The following SLAMF9 variants were observed in gnomAD, a reference collection of about 807,000 sequenced individuals.
SLAMF9 encodes CD2 family member 10.
Under a neutral mutation model 30.4 loss-of-function variants are expected in SLAMF9, and 25 were observed. The observed-to-expected ratio is 0.82, with a 90% CI of 0.60 to 1.15. SLAMF9 has a LOEUF of 1.15. Among genes scored for constraint, SLAMF9 ranks in the 50% most tolerant of loss-of-function variants. SLAMF9 has a pLI of 0.00. For synonymous variants in SLAMF9, 129 were observed against 127.2 expected (o/e 1.01, Z -0.09); for missense variants, 344 against 346.1 (o/e 0.99, Z 0.05).
chr1:159,974,150 G>T, the SLAMF9 span: 47 of 968,194 alleles, frequency 4.9e-5, no homozygotes, highest in South Asian at 2.1e-4. Context: ...TAAGGCCTCT[G>T]CTGGGGATGG....
chr1:159,951,827 C>A lies in SLAMF9; in HGVS notation c.704G>T (p.Cys235Phe). The change falls in exon 4 of 4, where the codon TGC becomes TTC. Residue 235 changes from cysteine to phenylalanine, a missense_variant. Physicochemically the swap from Cys to Phe is radical, Grantham distance 205. Transcript: ENST00000368093. ...GATGAGCAATCCCTTGGCCAGGAGGCAGAAGGCTGTTGAAGGCTTCTCAGA... is the reference window on the plus strand; with the variant it reads ...GATGAGCAATCCCTTGGCCAGGAGGAAGAAGGCTGTTGAAGGCTTCTCAGA... The part of the protein sequence containing the change: ...YASEKPSTAF[C>F]LLAKGLLIFL... 6.2e-7 allele frequency: 1 copy of A among 1,614,136 alleles called. No homozygotes were observed. The highest frequency in any genetic ancestry group is 1.1e-5 in the South Asian group (1 of 91,080).
chr1:159,960,605 A>G, the SLAMF9 span, among the ~76,000 whole-genome samples: 2 of 151,862 alleles, frequency 1.3e-5, no homozygotes, highest in Non-Finnish European at 2.9e-5. Flanking sequence ...AGCTGGGATT[A>G]CAGGCGCATG....
At chr1:159,961,982 C>G in the SLAMF9 span, among the ~76,000 whole-genome samples, 1 of 151,572 alleles carries the variant, frequency 6.6e-6, no homozygotes, top group Non-Finnish European at 1.5e-5. Context: ...CATGGTGAAA[C>G]CCCCGTCTCT....
upstream of SLAMF9, among the ~76,000 whole-genome samples, chr1:159,958,750 C>T (rs147024177): frequency 1.4e-3 from 214 of 152,288 alleles, no homozygotes; most frequent in Non-Finnish European, 2.6e-3. Context: ...CAAGTGTGAG[C>T]CACAGTGCCT....
the SLAMF9 span, among the ~76,000 whole-genome samples, chr1:159,974,263 C>T: frequency 6.6e-6 from 1 of 152,288 alleles, no homozygotes; most frequent in South Asian, 2.1e-4. Flanking sequence ...TCCTCCCTTT[C>T]CTTCTCTCCT....
At chr1:159,978,888 A>C in the SLAMF9 span, 1 of 152,242 alleles carries the variant, frequency 6.6e-6, no homozygotes, top group African/African-American at 2.4e-5. Context: ...TCTTGCAGGA[A>C]GGATGGATTC....
the SLAMF9 span, among the ~76,000 whole-genome samples, chr1:159,969,081 G>A: frequency 0.64 from 97,169 of 151,820 alleles, 34,380 homozygotes; most frequent in East Asian, 0.97. Context: ...AAGAGCTTGG[G>A]GATTCCCCCT....
chr1:159,961,760 G>A, the SLAMF9 span, among the ~76,000 whole-genome samples: 204 of 152,316 alleles, frequency 1.3e-3, no homozygotes, highest in Middle Eastern at 6.8e-3. Context: ...AGGCAGGGCC[G>A]AGAGATGGAG....
upstream of SLAMF9, chr1:159,954,240 T>A: frequency 1.5e-6 from 2 of 1,362,436 alleles, no homozygotes; most frequent in Non-Finnish European, 2.1e-6. Context: ...GCCTGACTGA[T>A]GGTCCTGAGA....
upstream of SLAMF9, among the ~76,000 whole-genome samples, chr1:159,957,053 C>T (rs1197928072): frequency 1.6e-5 from 2 of 123,566 alleles, no homozygotes; most frequent in Non-Finnish European, 1.6e-5. Flanking sequence ...ATCCGGGAGG[C>T]GGAGGTTGCA....
At chr1:159,963,791 T>G in the SLAMF9 span, among the ~76,000 whole-genome samples, 1,655 of 152,278 alleles carry the variant, frequency 0.011, 14 homozygotes, top group South Asian at 0.033. Context: ...CCAGGCGCAG[T>G]GGCTCACACC....
In SLAMF9 at chr1:159,953,555, C is replaced by T. The variant is rs747800506; in HGVS notation, c.145G>A (p.Glu49Lys). Residue 49 changes from glutamate to lysine, a missense_variant, in exon 2 of 4, where the codon GAG becomes AAG. Transcript: ENST00000368093. Reference sequence around the variant, plus strand: ...GAGGACCAGATGATGTTCTCAACCTCTTCATCTGGTGGTATTTCCAGGGGG... The same window carrying T: ...GAGGACCAGATGATGTTCTCAACCTTTTCATCTGGTGGTATTTCCAGGGGG... ...SLPLEIPPDE[E>K]VENIIWSSHK... 1 of 1,614,220 alleles carries T rather than the reference C, an allele frequency of 6.2e-7. No individual in the cohort carries two copies. The highest frequency in any genetic ancestry group is 1.3e-5 in the African/African-American group (1 of 75,056).
chr1:159,973,022 G>A, the SLAMF9 span: 3 of 1,415,408 alleles, frequency 2.1e-6, no homozygotes, highest in East Asian at 2.7e-5. Context: ...CCAGCTGGGG[G>A]CTCTGCTTCT....
the SLAMF9 span, among the ~76,000 whole-genome samples, chr1:159,971,531 T>C: frequency 6.6e-6 from 1 of 152,116 alleles, no homozygotes; most frequent in African/African-American, 2.4e-5. Context: ...GTTGAGCCCC[T>C]TTATGAGCTG....
chr1:159,953,396 A>G lies in SLAMF9; in HGVS notation c.304T>C (p.Trp102Arg). The G allele has an allele frequency of 1.2e-6, 2 of 1,614,228 alleles. No homozygotes were observed. Among genetic ancestry groups the G allele is most frequent in the Non-Finnish European group, 1.7e-6 (2 of 1,180,032 alleles). The stretch of plus-strand genomic sequence containing the variant: ...GCTTGGTAAAGCCCTGAATCCTCCC[A>G]GCTCAGATTGCTGATATGCAGGGAA... The part of the protein sequence containing the change: ...SYSLHISNLS[W>R]EDSGLYQAQV... Residue 102 changes from tryptophan to arginine, a missense_variant, in exon 2 of 4, where the codon TGG (tryptophan) becomes CGG (arginine). Physicochemically the swap from Trp to Arg is moderately radical, Grantham distance 101. Transcript: ENST00000368093.
chr1:159,963,995 G>A, the SLAMF9 span, among the ~76,000 whole-genome samples: 1 of 152,198 alleles, frequency 6.6e-6, no homozygotes, highest in Non-Finnish European at 1.5e-5. Context: ...GGGAGGCAGA[G>A]GTTGCAGTGA....
chr1:159,960,284 C>T, the SLAMF9 span, among the ~76,000 whole-genome samples: 8 of 149,896 alleles, frequency 5.3e-5, no homozygotes, highest in Non-Finnish European at 1.0e-4. Context: ...TTTGTCCTTG[C>T]GATAGTTTGC....
the SLAMF9 span, chr1:159,973,976 C>G: frequency 6.8e-6 from 11 of 1,610,602 alleles, no homozygotes; most frequent in East Asian, 2.2e-5. Flanking sequence ...TCACCTGAGA[C>G]AGTGGTGTAT....
upstream of SLAMF9, among the ~76,000 whole-genome samples, chr1:159,959,106 C>A (rs1465110402): frequency 1.3e-5 from 2 of 152,180 alleles, no homozygotes; most frequent in African/African-American, 2.4e-5. Flanking sequence ...TCCTTCCCCT[C>A]AACTCTCCTC....
Sources: allele counts gnomAD v4.1 joint callset (sites outside exome capture counted in the v4.1 genomes callset), GRCh38; gene constraint gnomAD v4.1.1; transcripts MANE v1.5; gene names NCBI Gene and HGNC (gene_info 2026-07-23, HGNC 2026-07-21).